The following RNF14 variants were observed in gnomAD, a reference collection of about 807,000 sequenced individuals.
The protein encoded by RNF14 is ring finger protein 14.
Under a neutral mutation model 52.6 loss-of-function variants are expected in RNF14, and 26 were observed. The observed-to-expected ratio is 0.49, with a 90% CI of 0.36 to 0.69. The LOEUF (loss-of-function observed/expected upper bound fraction) is 0.69. Among genes scored for constraint, RNF14 ranks in the 30% least tolerant of loss-of-function variants. The probability of loss-of-function intolerance (pLI) is 0.00; values close to 1 mark genes in which losing one functional copy is unlikely to be tolerated. For synonymous variants in RNF14, 194 were observed against 202.0 expected (o/e 0.96, Z 0.34); for missense variants, 404 against 560.4 (o/e 0.72, Z 2.82).
In RNF14 at chr5:141,988,631, T is replaced by G. The variant is rs538072713; in HGVS notation, c.*841T>G. On this transcript the variant is annotated 3_prime_UTR_variant, in exon 9 of 9. Coordinates refer to ENST00000394520, the MANE Select transcript of RNF14 (RefSeq NM_004290.5). ...CTACCTTCTGTTTGTAAGGATGATTTTAATATTAATTCCAGGAACACATGT... is the reference window on the plus strand; with the variant it reads ...CTACCTTCTGTTTGTAAGGATGATTGTAATATTAATTCCAGGAACACATGT... 1 of 152,472 alleles carries G rather than the reference T, an allele frequency of 6.6e-6. No individual in the cohort carries two copies. Among genetic ancestry groups the G allele is most frequent in the South Asian group, 2.1e-4 (1 of 4,822 alleles). 9.4% of individuals were successfully genotyped at this position (152,472 alleles called of 1,614,324 possible).
chr5:141,955,799 A>AG (rs748127746), upstream of RNF14: 5 of 1,613,638 alleles, frequency 3.1e-6, no homozygotes, highest in Admixed American at 1.7e-5. The surrounding 1 kb of genome is among the most constrained non-coding windows in gnomAD (Gnocchi z 5.5). Flanking sequence ...CGGGTCTGTA[A>AG]GGGGGGGCTT....
At chr5:141,980,100 T>C in intron 5 of RNF14, 23 bp from the exon 6 acceptor site, 1 of 1,589,642 alleles carries the variant, frequency 6.3e-7, no homozygotes, top group Non-Finnish European at 8.6e-7. Context: ...ATCAAACCTA[T>C]GGTGTTTTGT....
At chr5:141,955,408 G>A (rs999743295), upstream of RNF14, 2 of 1,613,886 alleles carry the variant, frequency 1.2e-6, no homozygotes, top group African/African-American at 2.7e-5. The surrounding 1 kb of genome is among the most constrained non-coding windows in gnomAD (Gnocchi z 5.5). Flanking sequence ...GAGGTGGAAG[G>A]GGGCCTGCAG....
Position 141,987,814 on chromosome 5 carries a change from A to G in RNF14, c.*24A>G. ...AGTTAACTACTGCTCAAGATATGGA[A>G]GTGGATTGTTTTTCCCTAATCTTCC... is the stretch of plus-strand genomic sequence containing the variant. On this transcript the variant is annotated 3_prime_UTR_variant, in exon 9 of 9. Coordinates refer to ENST00000394520, the MANE Select transcript of RNF14 (RefSeq NM_004290.5). 1 of 1,608,714 alleles carries G rather than the reference A, an allele frequency of 6.2e-7. No individual in the cohort carries two copies. The highest frequency in any genetic ancestry group is 8.5e-7 in the Non-Finnish European group (1 of 1,176,472).
intron 4 of RNF14, 62 bp from the exon 5 acceptor site, chr5:141,978,241 C>T: frequency 7.0e-7 from 1 of 1,431,356 alleles, no homozygotes; most frequent in South Asian, 1.4e-5. Flanking sequence ...CTAGGGAAAC[C>T]AGGAGTTGGC....
At chr5:141,962,575 T>C (rs1238575112), upstream of RNF14, among the ~76,000 whole-genome samples, 1 of 152,158 alleles carries the variant, frequency 6.6e-6, no homozygotes, top group African/African-American at 2.4e-5. Flanking sequence ...GAGGGAGATT[T>C]CTGCAATCTG....
chr5:141,956,473 AAC>A (rs1753186371), upstream of RNF14: 2 of 1,614,074 alleles, frequency 1.2e-6, no homozygotes. Flanking sequence ...GCTTTTCTCA[AAC>A]ACAGGTGCAT....
chr5:141,954,738 A>G (rs1272353014), upstream of RNF14, among the ~76,000 whole-genome samples: 1 of 152,200 alleles, frequency 6.6e-6, no homozygotes, highest in East Asian at 1.9e-4. Flanking sequence ...ATCATCTCTA[A>G]TTTACAGATA....
At chr5:141,975,027 T>G (rs1754122236) in intron 4 of RNF14, 72 bp downstream of exon 4, 2 of 1,492,342 alleles carry the variant, frequency 1.3e-6, no homozygotes, top group Non-Finnish European at 1.8e-6. Flanking sequence ...GAAGACTATC[T>G]TAAAGATCTT....
intron 4 of RNF14, among the ~76,000 whole-genome samples, chr5:141,977,729 C>A (rs554525330): frequency 1.3e-5 from 2 of 152,300 alleles, no homozygotes; most frequent in South Asian, 4.1e-4. Flanking sequence ...TACTTAAAAG[C>A]AGCTTGTAAA....
At chr5:141,981,667 T>C (rs411264) in intron 6 of RNF14, 134,171 of 152,006 alleles carry the variant, frequency 0.88, 59,470 homozygotes, top group East Asian at 0.98. Context: ...AGTTTGACAC[T>C]ATGGCAAAAC....
At chr5:141,979,032 TG>T (rs1754514448) in intron 5 of RNF14, among the ~76,000 whole-genome samples, 1 of 152,220 alleles carries the variant, frequency 6.6e-6, no homozygotes, top group South Asian at 2.1e-4. Context: ...GGCCTTGCAG[TG>T]GGCAAGGATG....
At chr5:141,982,833 T>G (rs1314065729) in intron 6 of RNF14, 1 of 152,580 alleles carries the variant, frequency 6.6e-6, no homozygotes, top group African/African-American at 2.4e-5. Context: ...TATCAAACAG[T>G]GAATGGTGCT....
chr5:141,951,723 T>C, the RNF14 span: 2 of 698,718 alleles, frequency 2.9e-6, no homozygotes, highest in Admixed American at 2.1e-5. Flanking sequence ...TGTGATCAGA[T>C]GGGGGATGGT....
At chr5:141,954,852 A>G (rs1449208929), upstream of RNF14, 76 of 1,317,016 alleles carry the variant, frequency 5.8e-5, no homozygotes, top group Non-Finnish European at 7.9e-5. Context: ...CCAAAGCATC[A>G]GAAAGTGCCA....
At chr5:141,956,564 G>A (rs1753187810), upstream of RNF14, 3 of 1,614,200 alleles carry the variant, frequency 1.9e-6, no homozygotes, top group East Asian at 6.7e-5. Context: ...TGGGCTAACA[G>A]AGTGAGGGTA....
At chr5:141,961,871 A>G (rs565361317), upstream of RNF14, among the ~76,000 whole-genome samples, 1 of 152,212 alleles carries the variant, frequency 6.6e-6, no homozygotes, top group South Asian at 2.1e-4. Context: ...GGCTGAGATC[A>G]CACCTCGCCC....
chr5:141,955,807 C>A (rs759243197), upstream of RNF14: 1 of 1,613,844 alleles, frequency 6.2e-7, no homozygotes, highest in East Asian at 2.2e-5. The surrounding 1 kb of genome is among the most constrained non-coding windows in gnomAD (Gnocchi z 5.5). Context: ...TAAGGGGGGG[C>A]TTCCCTGGTC....
chr5:141,967,468 C>T (rs1753384553), upstream of RNF14, among the ~76,000 whole-genome samples: 2 of 152,032 alleles, frequency 1.3e-5, no homozygotes, highest in Non-Finnish European at 2.9e-5. Context: ...TATCCTTCGT[C>T]CCCCTCTCAT....
Sources: gnomAD v4.1 joint callset for allele counts (sites outside exome capture counted in the v4.1 genomes callset) on GRCh38, gnomAD v4.1.1 for gene constraint, Gnocchi (gnomAD v3.1) non-coding constraint, MANE v1.5 for transcripts, NCBI Gene and HGNC (gene_info 2026-07-23, HGNC 2026-07-21) for gene names.